The following FAM184B variants were observed in gnomAD, a reference collection of about 807,000 sequenced individuals.
FAM184B encodes the protein family with sequence similarity 184 member B.
In FAM184B, 111 loss-of-function variants were observed where a neutral mutation model predicts 135.9. That is an observed-to-expected ratio of 0.82 (90% CI 0.70 to 0.96). The LOEUF (loss-of-function observed/expected upper bound fraction) is 0.96. Among genes scored for constraint, FAM184B ranks in the 40% least tolerant of loss-of-function variants. The probability of loss-of-function intolerance (pLI) is 0.00; values close to 1 mark genes in which losing one functional copy is unlikely to be tolerated. For synonymous variants in FAM184B, 552 were observed against 524.8 expected (o/e 1.05, Z -0.71); for missense variants, 1,375 against 1,323.9 (o/e 1.04, Z -0.60).
At chr4:17,708,380 C>T (rs530959872) in intron 2 of FAM184B, among the ~76,000 whole-genome samples, 118 of 151,894 alleles carry the variant, frequency 7.8e-4, no homozygotes, top group African/African-American at 2.8e-3. Context: ...CGCAGTGGCT[C>T]GAGTCTGTAA....
intron 1 of FAM184B, among the ~76,000 whole-genome samples, chr4:17,738,828 T>C (rs754352838): frequency 6.6e-5 from 10 of 152,080 alleles, no homozygotes; most frequent in Non-Finnish European, 8.8e-5. Context: ...GTTTTCACTC[T>C]ATTATTATAG....
Position 17,635,014 on chromosome 4 carries a change from T to C in FAM184B, c.2884A>G (p.Met962Val), listed in dbSNP as rs1715080332. ...AACCATTAGAACCAATTTACCTTCA[T>C]GGAAGGGGTCAAATATCCCGGGTGA... is the stretch of plus-strand genomic sequence containing the variant. ...NPHPGYLTPS[M>V]KKKKVEDVPS... Residue 962 changes from methionine (M) to valine (V), a missense_variant, in exon 16 of 18, where the codon ATG becomes GTG. Physicochemically the swap from Met to Val is conservative, Grantham distance 21 (BLOSUM62 1). Coordinates refer to ENST00000265018, the MANE Select transcript of FAM184B (RefSeq NM_015688.2). 1.9e-6 allele frequency: 3 copies of C among 1,551,228 alleles called. No homozygotes were observed.
intron 1 of FAM184B, among the ~76,000 whole-genome samples, chr4:17,771,446 A>G (rs1450745324): frequency 2.6e-5 from 4 of 152,214 alleles, no homozygotes; most frequent in African/African-American, 7.2e-5. Flanking sequence ...TCCTTACACA[A>G]TGAATCACAT....
At chr4:17,674,010 G>A (rs747876722) in intron 7 of FAM184B, among the ~76,000 whole-genome samples, 32 of 152,006 alleles carry the variant, frequency 2.1e-4, no homozygotes, top group Non-Finnish European at 4.1e-4. Context: ...CACTAGACCT[G>A]CCTTACAAGA....
intron 10 of FAM184B, among the ~76,000 whole-genome samples, chr4:17,657,018 A>C (rs527601888): frequency 6.6e-6 from 1 of 152,136 alleles, no homozygotes; most frequent in Non-Finnish European, 1.5e-5. Flanking sequence ...TATACAATAT[A>C]TATTTTTAAT....
At chr4:17,747,831 G>C (rs1718201433) in intron 1 of FAM184B, among the ~76,000 whole-genome samples, 1 of 141,648 alleles carries the variant, frequency 7.1e-6, no homozygotes, top group African/African-American at 2.6e-5. Flanking sequence ...TGAGGCAGGA[G>C]AATGGCGTGA....
chr4:17,714,197 A>G (rs1364414277), intron 1 of FAM184B, among the ~76,000 whole-genome samples: 1 of 152,166 alleles, frequency 6.6e-6, no homozygotes, highest in East Asian at 1.9e-4. Context: ...TTCCTTCCAC[A>G]GCGAAGAGCT....
chr4:17,765,957 T>G (rs1016972452), intron 1 of FAM184B, among the ~76,000 whole-genome samples: 1 of 152,104 alleles, frequency 6.6e-6, no homozygotes, highest in Non-Finnish European at 1.5e-5. Flanking sequence ...ACTCCTTCCT[T>G]CTGTCCGGGG....
chr4:17,634,865 C>A, intron 16 of FAM184B, 144 bp downstream of exon 16: 1 of 557,614 alleles, frequency 1.8e-6, no homozygotes, highest in South Asian at 2.7e-5. Context: ...TCCGCCCAGC[C>A]ATAGATATAA....
intron 1 of FAM184B, among the ~76,000 whole-genome samples, chr4:17,743,226 G>A (rs1211680261): frequency 1.3e-5 from 2 of 152,224 alleles, no homozygotes; most frequent in Non-Finnish European, 2.9e-5. Flanking sequence ...ATCTATGTGG[G>A]TTGATGGATC....
intron 1 of FAM184B, among the ~76,000 whole-genome samples, chr4:17,724,855 C>A (rs1171817013): frequency 6.6e-6 from 1 of 152,228 alleles, no homozygotes; most frequent in African/African-American, 2.4e-5. Context: ...CTCCAGACCA[C>A]CCTTCGTAGG....
intron 12 of FAM184B, among the ~76,000 whole-genome samples, chr4:17,642,554 C>T (rs975991583): frequency 2.6e-5 from 4 of 152,160 alleles, no homozygotes; most frequent in African/African-American, 4.8e-5. Context: ...GTCTTCCCTC[C>T]GTGAAGTTAA....
At chr4:17,758,516 G>C (rs1233999238) in intron 1 of FAM184B, among the ~76,000 whole-genome samples, 1 of 152,192 alleles carries the variant, frequency 6.6e-6, no homozygotes, top group Non-Finnish European at 1.5e-5. Flanking sequence ...ACTGGCTTTT[G>C]TATCTGTTTT....
intron 5 of FAM184B, among the ~76,000 whole-genome samples, chr4:17,698,471 T>C (rs746986122): frequency 1.3e-5 from 2 of 152,212 alleles, no homozygotes; most frequent in Non-Finnish European, 2.9e-5. Flanking sequence ...GTTGGCGTAT[T>C]ACGAGAAAAC....
intron 1 of FAM184B, among the ~76,000 whole-genome samples, chr4:17,732,309 A>G (rs1468960641): frequency 6.6e-6 from 1 of 152,362 alleles, no homozygotes; most frequent in East Asian, 1.9e-4. Context: ...TTGAAAAGCT[A>G]GCAGAAGGCA....
chr4:17,642,089 T>A lies in FAM184B; in HGVS notation c.2486A>T (p.Gln829Leu), dbSNP rs1192823170. Residue 829 changes from glutamine to leucine, a missense_variant, in exon 13 of 18, where the codon CAG becomes CTG. Transcript: ENST00000265018. ...RRLRAEVEQH[Q>L]QEAQKLRDQR... Reference sequence around the variant, plus strand: ...GTCTCGGAGCTTCTGCGCCTCCTGCTGATGCTGCTCCACCTCCGCGCGCAG... The same window carrying A: ...GTCTCGGAGCTTCTGCGCCTCCTGCAGATGCTGCTCCACCTCCGCGCGCAG... The A allele has an allele frequency of 6.5e-7, 1 of 1,532,536 alleles. No homozygotes were observed. Among genetic ancestry groups the A allele is most frequent in the Non-Finnish European group, 8.7e-7 (1 of 1,145,232 alleles). The allele number at this position is 1,532,536 out of a possible 1,614,324, so 94.9% of individuals were successfully genotyped here.
intron 10 of FAM184B, among the ~76,000 whole-genome samples, chr4:17,656,888 A>G (rs1715788727): frequency 1.3e-5 from 2 of 152,178 alleles, no homozygotes; most frequent in African/African-American, 4.8e-5. Flanking sequence ...TACCAGCATT[A>G]AAAAGACAAT....
chr4:17,729,390 G>C (rs1353008117), intron 1 of FAM184B, among the ~76,000 whole-genome samples: 4 of 152,200 alleles, frequency 2.6e-5, no homozygotes, highest in African/African-American at 9.6e-5. Context: ...TGACAGCTTT[G>C]AAGAGAGTAG....
intron 7 of FAM184B, among the ~76,000 whole-genome samples, chr4:17,674,621 G>C (rs1252400673): frequency 6.6e-6 from 1 of 152,154 alleles, no homozygotes; most frequent in Non-Finnish European, 1.5e-5. Context: ...ATACGATACT[G>C]TTTGATACCA....
Sources: gnomAD v4.1 joint callset for allele counts (sites outside exome capture counted in the v4.1 genomes callset) on GRCh38, gnomAD v4.1.1 for gene constraint, MANE v1.5 for transcripts, NCBI Gene and HGNC (gene_info 2026-07-23, HGNC 2026-07-21) for gene names.